RPS6KA2: variants seen among roughly 807,000 people sequenced by gnomAD.
RPS6KA2 encodes ribosomal protein S6 kinase alpha-2.
In RPS6KA2, 42 loss-of-function variants were observed where a neutral mutation model predicts 91.8. The ratio of observed to expected loss-of-function variants is 0.46; its 90% CI spans 0.36 to 0.59. The LOEUF (loss-of-function observed/expected upper bound fraction) is 0.59. Among genes scored for constraint, RPS6KA2 ranks in the 20% least tolerant of loss-of-function variants. The pLI is 0.00. For missense variants in RPS6KA2, 798 were observed against 978.5 expected (o/e 0.82, Z 2.46); for synonymous variants, 414 against 393.6 (o/e 1.05, Z -0.61).
In RPS6KA2 at chr6:166,704,994, T is replaced by A. The variant is rs76218082; in HGVS notation, c.123+153206A>T. ...GAATTTCTAAGGTTTGGGTGTTCTA[T>A]CCCAGCACCATATTTTCTCAAAGCC... On this transcript the variant is annotated intron_variant, in intron 2 of 21. Coordinates refer to the RPS6KA2 transcript ENST00000503859. Among the ~76,000 whole-genome samples, 535 of 152,350 alleles carry A rather than the reference T, an allele frequency of 3.5e-3. 1 individual carries two copies. Among genetic ancestry groups the A allele is most frequent in the African/African-American group, 0.012 (515 of 41,580 alleles).
intron 2 of RPS6KA2, among the ~76,000 whole-genome samples, chr6:166,822,789 CAATGAATGAATG>C (rs35844557): frequency 2.7e-5 from 4 of 149,178 alleles, no homozygotes; most frequent in African/African-American, 7.6e-5. Flanking sequence ...ACGTGTTTTC[CAATGAATGAATG>C]AATGAATGAA....
At chr6:166,588,058 T>C (rs1283876482) in intron 1 of RPS6KA2, among the ~76,000 whole-genome samples, 1 of 152,226 alleles carries the variant, frequency 6.6e-6, no homozygotes, top group East Asian at 1.9e-4. Flanking sequence ...TCTCGTATCA[T>C]GAACTAAAAG....
At chr6:166,489,036 C>G (rs1210854726) in intron 9 of RPS6KA2, 115 bp from the exon 10 acceptor site, 1 of 830,678 alleles carries the variant, frequency 1.2e-6, no homozygotes, top group African/African-American at 1.7e-5. Context: ...GCAGCCCGTG[C>G]TCTACCACGT....
At chr6:166,658,492 C>A (rs1450358668) in intron 2 of RPS6KA2, among the ~76,000 whole-genome samples, 1 of 152,178 alleles carries the variant, frequency 6.6e-6, no homozygotes, top group South Asian at 2.1e-4. Flanking sequence ...ACAAATGACA[C>A]AAGGCAGGGG....
At chr6:166,689,782 C>A (rs1188985842) in intron 2 of RPS6KA2, among the ~76,000 whole-genome samples, 2 of 152,250 alleles carry the variant, frequency 1.3e-5, no homozygotes, top group African/African-American at 4.8e-5. Context: ...GTGAAGACAG[C>A]ACTGGTGGAA....
In RPS6KA2 at chr6:166,722,271, G is replaced by A. The variant is rs374301692; in HGVS notation, c.123+135929C>T. ...AAAACCATGCTGGAACGTGAGCTTGGAGACTGGAGATCCCACACACAGAAG... is the reference window on the plus strand; with the variant it reads ...AAAACCATGCTGGAACGTGAGCTTGAAGACTGGAGATCCCACACACAGAAG... On this transcript the variant is annotated intron_variant, in intron 2 of 21. Transcript: ENST00000503859. 5.3e-5 allele frequency among the ~76,000 whole-genome samples: 8 copies of A among 152,280 alleles called. No individual in the cohort carries two copies. In the South Asian group the frequency reaches 6.2e-4, roughly 12 times the overall value.
intron 2 of RPS6KA2, among the ~76,000 whole-genome samples, chr6:166,810,341 GGCT>G (rs371600878): frequency 6.6e-6 from 1 of 152,290 alleles, no homozygotes; most frequent in African/African-American, 2.4e-5. Flanking sequence ...CACAGCCCCT[GGCT>G]ATAAGCAACA....
chr6:166,721,238 G>T (rs1790164489), intron 2 of RPS6KA2, among the ~76,000 whole-genome samples: 1 of 152,206 alleles, frequency 6.6e-6, no homozygotes, highest in African/African-American at 2.4e-5. Flanking sequence ...GGACATCGGG[G>T]GTGCGACTGA....
intron 8 of RPS6KA2, among the ~76,000 whole-genome samples, chr6:166,497,277 C>G (rs1036981803): frequency 3.9e-5 from 6 of 152,228 alleles, no homozygotes; most frequent in Non-Finnish European, 8.8e-5. Flanking sequence ...CCTTGCTTTG[C>G]TGCAGGCATT....
intron 2 of RPS6KA2, among the ~76,000 whole-genome samples, chr6:166,707,697 A>G (rs556827975): frequency 1.3e-5 from 2 of 152,130 alleles, no homozygotes; most frequent in Non-Finnish European, 2.9e-5. Context: ...AATTATGGTG[A>G]TCATTATTAC....
At chr6:166,564,182 T>G (rs1460836007) in intron 1 of RPS6KA2, among the ~76,000 whole-genome samples, 1 of 152,224 alleles carries the variant, frequency 6.6e-6, no homozygotes, top group Non-Finnish European at 1.5e-5. Flanking sequence ...AGGCTGAGTT[T>G]TCATAGTTCT....
chr6:166,451,315 G>A, intron 12 of RPS6KA2, 82 bp from the exon 13 acceptor site: 1 of 1,493,800 alleles, frequency 6.7e-7, no homozygotes, highest in Non-Finnish European at 9.2e-7. Flanking sequence ...TGTGCATGTG[G>A]TATGTGTGTG....
chr6:166,487,410 G>A (rs1401822119), intron 10 of RPS6KA2, among the ~76,000 whole-genome samples: 1 of 152,120 alleles, frequency 6.6e-6, no homozygotes, highest in Non-Finnish European at 1.5e-5. Context: ...AGCCACGCTC[G>A]GCATGCAGAG....
At chr6:166,522,475 G>A (rs988527116) in intron 3 of RPS6KA2, among the ~76,000 whole-genome samples, 1 of 152,200 alleles carries the variant, frequency 6.6e-6, no homozygotes, top group African/African-American at 2.4e-5. Context: ...GCAGTCAGAG[G>A]CTCGATGATG....
chr6:166,820,525 A>G (rs979607777), intron 2 of RPS6KA2, among the ~76,000 whole-genome samples: 1 of 152,214 alleles, frequency 6.6e-6, no homozygotes, highest in East Asian at 1.9e-4. Flanking sequence ...AAATAGAAGA[A>G]TAGGTTAGAA....
At chr6:166,649,270 T>C (rs1332918682) in intron 2 of RPS6KA2, among the ~76,000 whole-genome samples, 2 of 152,216 alleles carry the variant, frequency 1.3e-5, no homozygotes, top group Admixed American at 6.5e-5. Context: ...TCTTAGATCA[T>C]CTATCCATCT....
At chr6:166,757,801 A>C in intron 2 of RPS6KA2, 1 of 306,266 alleles carries the variant, frequency 3.3e-6, no homozygotes. Context: ...TGAGTTGAAA[A>C]AACTCTGGCT....
intron 11 of RPS6KA2, among the ~76,000 whole-genome samples, chr6:166,467,474 G>C (rs1780586857): frequency 6.6e-6 from 1 of 152,212 alleles, no homozygotes; most frequent in South Asian, 2.1e-4. Flanking sequence ...CTGGGGTGCT[G>C]GGAGAGGAGC....
intron 10 of RPS6KA2, among the ~76,000 whole-genome samples, chr6:166,482,646 C>T (rs893446431): frequency 4.6e-5 from 7 of 152,178 alleles, no homozygotes; most frequent in Non-Finnish European, 8.8e-5. Flanking sequence ...GATGAGGAAA[C>T]GAGTGTGACC....
Sources: allele counts gnomAD v4.1 joint callset (sites outside exome capture counted in the v4.1 genomes callset), GRCh38; gene constraint gnomAD v4.1.1; transcripts MANE v1.5; gene names NCBI Gene and HGNC (gene_info 2026-07-23, HGNC 2026-07-21).